The following MYO6 variants were observed in gnomAD, a reference collection of about 807,000 sequenced individuals.
The protein encoded by MYO6 is myosin VI.
Under a neutral mutation model 178.7 loss-of-function variants are expected in MYO6, and 74 were observed. The observed-to-expected ratio is 0.41, with a 90% confidence interval of 0.34 to 0.50. The LOEUF is 0.50. MYO6 is among the 20% of genes least tolerant of loss of function. MYO6 has a pLI of 0.09. For synonymous variants in MYO6, 477 were observed against 504.6 expected (o/e 0.95, Z 0.73); for missense variants, 1,330 against 1,547.4 (o/e 0.86, Z 2.36).
intron 1 of MYO6, among the ~76,000 whole-genome samples, chr6:75,760,815 T>C (rs1027445346): frequency 6.6e-6 from 1 of 152,112 alleles, no homozygotes; most frequent in African/African-American, 2.4e-5. Flanking sequence ...TATTGTTTAT[T>C]TGGATTTGAC....
chr6:75,890,965 G>A (rs1778858679), intron 26 of MYO6, among the ~76,000 whole-genome samples: 1 of 152,118 alleles, frequency 6.6e-6, no homozygotes. Context: ...CCTTTAATCA[G>A]GACCTTACAG....
chr6:75,905,793 C>T (rs1378500047), intron 30 of MYO6, among the ~76,000 whole-genome samples: 1 of 152,208 alleles, frequency 6.6e-6, no homozygotes, highest in Non-Finnish European at 1.5e-5. Context: ...ATCACTATGT[C>T]AAAGAATTTT....
At chr6:75,822,938 C>T in intron 3 of MYO6, 87 bp downstream of exon 3, 2 of 1,034,640 alleles carry the variant, frequency 1.9e-6, no homozygotes, top group Non-Finnish European at 1.5e-6. Context: ...ATAACTGATA[C>T]ACTGTGCGGG....
intron 1 of MYO6, among the ~76,000 whole-genome samples, chr6:75,755,706 G>A (rs951182187): frequency 3.3e-5 from 5 of 152,152 alleles, no homozygotes; most frequent in South Asian, 2.1e-4. Flanking sequence ...CTGTGTGTGC[G>A]TCTGTGTTGG....
Position 75,917,985 on chromosome 6 carries a change from C to T in MYO6, c.*2973C>T, listed in dbSNP as rs1781211422. ...AATTAATATGATGTTAGTGATAGAC[C>T]TGCCTCCTTTTATGGAAGAGGTAAC... On this transcript the variant is annotated 3_prime_UTR_variant, in exon 35 of 35. Transcript: ENST00000369977. The T allele has an allele frequency of 6.6e-6, 1 of 152,402 alleles. No individual in the cohort carries two copies. Among genetic ancestry groups the T allele is most frequent in the Non-Finnish European group, 1.5e-5 (1 of 68,014 alleles). The allele number at this position is 152,402 out of a possible 1,614,324, so 9.4% of individuals were successfully genotyped here.
chr6:75,872,563 C>T (rs1777237288), intron 19 of MYO6, among the ~76,000 whole-genome samples: 1 of 152,046 alleles, frequency 6.6e-6, no homozygotes, highest in Non-Finnish European at 1.5e-5. Context: ...TACATAAATA[C>T]ATTTAAATAT....
chr6:75,835,852 G>T (rs1299748767), intron 6 of MYO6, 49 bp from the exon 7 acceptor site: 2 of 1,051,718 alleles, frequency 1.9e-6, no homozygotes, highest in South Asian at 1.3e-5. Context: ...ATAAATTATT[G>T]TACACCATAT....
At chr6:75,758,872 ATCT>A (rs1777706028) in intron 1 of MYO6, among the ~76,000 whole-genome samples, 1 of 149,838 alleles carries the variant, frequency 6.7e-6, no homozygotes, top group Non-Finnish European at 1.5e-5. Context: ...GTTTGTATAG[ATCT>A]TTTTTTTTTT....
intron 10 of MYO6, among the ~76,000 whole-genome samples, chr6:75,846,263 T>C (rs1379602492): frequency 2.0e-5 from 3 of 151,982 alleles, no homozygotes; most frequent in Non-Finnish European, 4.4e-5. Context: ...GGATTAATGA[T>C]AGATACTGGT....
chr6:75,752,515 C>T (rs1243666724), intron 1 of MYO6, among the ~76,000 whole-genome samples: 1 of 152,164 alleles, frequency 6.6e-6, no homozygotes, highest in Non-Finnish European at 1.5e-5. Flanking sequence ...TGGATTCACA[C>T]CTGAGTCATT....
intron 1 of MYO6, among the ~76,000 whole-genome samples, chr6:75,790,885 A>G (rs975022811): frequency 4.6e-5 from 7 of 152,156 alleles, no homozygotes; most frequent in African/African-American, 1.7e-4. Context: ...ATGTCATGAC[A>G]TTTTTAATTG....
intron 1 of MYO6, among the ~76,000 whole-genome samples, chr6:75,787,886 A>G (rs1030825475): frequency 1.5e-4 from 22 of 149,942 alleles, no homozygotes; most frequent in Non-Finnish European, 4.4e-5. Context: ...CAGCTTCCCA[A>G]GTAGCTGGGA....
chr6:75,879,077 C>T (rs1469589576), intron 20 of MYO6, among the ~76,000 whole-genome samples: 1 of 152,136 alleles, frequency 6.6e-6, no homozygotes, highest in Admixed American at 6.5e-5. Context: ...CTGATGATAA[C>T]TTGGGAATGT....
At position 75,866,506 on chromosome 6, in the gene MYO6, A is replaced by C; in HGVS notation, c.1675-20A>C. On this transcript the variant is annotated intron_variant, in intron 16 of 34. Coordinates refer to ENST00000369977, the MANE Select transcript of MYO6 (RefSeq NM_004999.4). ...TATATTTTTGATCATTTAATAACTC[A>C]TATATGTATTGTTTTTCAGATTCCC... 2 of 1,551,558 alleles carry C rather than the reference A, an allele frequency of 1.3e-6. No homozygotes were observed. The highest frequency in any genetic ancestry group is 1.8e-6 in the Non-Finnish European group (2 of 1,123,040).
chr6:75,820,661 G>C (rs1416753573), intron 2 of MYO6, among the ~76,000 whole-genome samples: 1 of 152,114 alleles, frequency 6.6e-6, no homozygotes, highest in African/African-American at 2.4e-5. Context: ...GTGAGCCACC[G>C]CACCTGGCCA....
Position 75,749,242 on chromosome 6 carries a change from G to C in MYO6, c.-229G>C, listed in dbSNP as rs1776626355. ...GGCGGGGCGCCGGCCGGCGGGCGGA[G>C]ACCGACTCGGGATCTGTCCGAGCAG... On this transcript the variant is annotated 5_prime_UTR_variant, in exon 1 of 35. Transcript: ENST00000369977. 1.3e-5 allele frequency: 2 copies of C among 150,922 alleles called. 1 individual carries two copies. Among genetic ancestry groups the C allele is most frequent in the African/African-American group, 4.8e-5 (2 of 41,472 alleles). The allele number at this position is 150,922 out of a possible 1,614,324, so 9.3% of individuals were successfully genotyped here.
intron 6 of MYO6, among the ~76,000 whole-genome samples, chr6:75,835,491 G>A (rs183864166): frequency 1.3e-5 from 2 of 152,182 alleles, no homozygotes; most frequent in East Asian, 3.9e-4. Context: ...GAGTGCAGTG[G>A]TGCAGTTTTG....
chr6:75,886,147 C>CA, intron 24 of MYO6, 53 bp downstream of exon 24: 1 of 1,205,902 alleles, frequency 8.3e-7, no homozygotes, highest in Admixed American at 1.8e-5. Flanking sequence ...TACTGTAATA[C>CA]AAAATGACAA....
At chr6:75,753,180 G>A (rs756828824) in intron 1 of MYO6, among the ~76,000 whole-genome samples, 1 of 152,144 alleles carries the variant, frequency 6.6e-6, no homozygotes, top group African/African-American at 2.4e-5. Context: ...TAAATGAGCA[G>A]AAGCAAGGTA....
Sources: allele counts gnomAD v4.1 joint callset (sites outside exome capture counted in the v4.1 genomes callset), GRCh38; gene constraint gnomAD v4.1.1; transcripts MANE v1.5; gene names NCBI Gene and HGNC (gene_info 2026-07-23, HGNC 2026-07-21).